SIGLECL1: variants seen among roughly 807,000 people sequenced by gnomAD.
SIGLECL1 encodes the protein SIGLEC family like 1, also known as SIGLEC family-like protein 1.
Under a neutral mutation model 19.1 loss-of-function variants are expected in SIGLECL1, and 16 were observed. The observed-to-expected ratio is 0.84, with a 90% confidence interval of 0.57 to 1.27. SIGLECL1 has a LOEUF of 1.27. Among genes scored for constraint, SIGLECL1 ranks in the 50% most tolerant of loss-of-function variants. The pLI is 0.00. For missense variants in SIGLECL1, 210 were observed against 239.4 expected (o/e 0.88, Z 0.81); for synonymous variants, 89 against 90.4 (o/e 0.98, Z 0.09).
intron 1 of SIGLECL1, among the ~76,000 whole-genome samples, chr19:51,257,148 T>C (rs1241984478): frequency 6.6e-6 from 1 of 152,150 alleles, no homozygotes; most frequent in Non-Finnish European, 1.5e-5. Flanking sequence ...AGCTCACACC[T>C]GTAATCCTAG....
chr19:51,250,084 C>CTTT (rs529491900), upstream of SIGLECL1, among the ~76,000 whole-genome samples: 1 of 141,094 alleles, frequency 7.1e-6, no homozygotes, highest in African/African-American at 2.6e-5. Flanking sequence ...TGGCTGGCTT[C>CTTT]TTTTTTTTTT....
chr19:51,267,382 T>C lies in SIGLECL1; in HGVS notation c.420T>C (p.His140=). 6.2e-7 allele frequency: 1 copy of C among 1,612,208 alleles called. No individual in the cohort carries two copies. The highest frequency in any genetic ancestry group is 8.5e-7 in the Non-Finnish European group (1 of 1,179,960). The change falls in exon 5 of 6, where the codon CAT becomes CAC. Residue 140 remains histidine, a synonymous_variant. Coordinates refer to ENST00000601727, the MANE Select transcript of SIGLECL1 (RefSeq NM_001385465.1). ...FLCLLPLIVK[H]IRKKQAKKAA... is the part of the protein sequence containing the mutation. Reference sequence around the variant, plus strand: ...AGGCTTATTTCCTTAGAGTGAAACATATCAGAAAGAAGCAGGCGAAGAAAG... The same window carrying C: ...AGGCTTATTTCCTTAGAGTGAAACACATCAGAAAGAAGCAGGCGAAGAAAG...
At chr19:51,256,579 C>A (rs1463389514) in intron 1 of SIGLECL1, among the ~76,000 whole-genome samples, 1 of 152,156 alleles carries the variant, frequency 6.6e-6, no homozygotes, top group Non-Finnish European at 1.5e-5. Context: ...TGAATAAGTT[C>A]TGGAGGTTTC....
intron 1 of SIGLECL1, among the ~76,000 whole-genome samples, chr19:51,262,368 G>A (rs891126276): frequency 2.0e-5 from 3 of 152,162 alleles, no homozygotes; most frequent in African/African-American, 7.2e-5. Context: ...TTTGAAGAGT[G>A]TATAAAGAAT....
chr19:51,264,282 A>C (rs551780740), intron 2 of SIGLECL1, 188 bp downstream of exon 2: 27 of 596,108 alleles, frequency 4.5e-5, no homozygotes, highest in South Asian at 2.4e-4. Flanking sequence ...GGTGTGTCTG[A>C]AGCAAATAGC....
chr19:51,263,973 T>A lies in SIGLECL1; in HGVS notation c.-100T>A. 6.9e-7 allele frequency: 1 copy of A among 1,442,754 alleles called. No individual in the cohort carries two copies. Among genetic ancestry groups the A allele is most frequent in the South Asian group, 1.2e-5 (1 of 81,010 alleles). 89.4% of individuals were successfully genotyped at this position (1,442,754 alleles called of 1,614,324 possible). On this transcript the variant is annotated 5_prime_UTR_variant, in exon 2 of 6. Coordinates refer to ENST00000601727, the MANE Select transcript of SIGLECL1 (RefSeq NM_001385465.1). ...CCCCATCCCCACATCCTCTTTCAGT[T>A]ACGCATCACCTCACTCCTTCTGAAC...
intron 1 of SIGLECL1, among the ~76,000 whole-genome samples, chr19:51,262,634 A>G (rs547754791): frequency 3.9e-5 from 6 of 152,296 alleles, no homozygotes; most frequent in Non-Finnish European, 7.4e-5. Flanking sequence ...GACTTTCCCA[A>G]TGTCCCTAGA....
At position 51,267,415 on chromosome 19, in the gene SIGLECL1, G is replaced by A. The variant is rs369648100; in HGVS notation, c.453G>A (p.Ala151=). 13 of 1,613,766 alleles carry A rather than the reference G, an allele frequency of 8.1e-6. No individual in the cohort carries two copies. The highest frequency in any genetic ancestry group is 2.2e-5 in the East Asian group (1 of 44,892). Reference sequence around the variant, plus strand: ...AGAAGCAGGCGAAGAAAGCTGCAGCGATCAGAGCAAAAAAGAGCTCTAAAG... The same window carrying A: ...AGAAGCAGGCGAAGAAAGCTGCAGCAATCAGAGCAAAAAAGAGCTCTAAAG... ...IRKKQAKKAA[A]IRAKKSSKVR... is the part of the protein sequence containing the mutation. Residue 151 remains alanine (A), a synonymous_variant, in exon 5 of 6, where the codon GCG becomes GCA. Transcript: ENST00000601727.
chr19:51,265,492 T>A lies in SIGLECL1; in HGVS notation c.147T>A (p.Asp49Glu), dbSNP rs770701275. ...WWMGGVPVGV[D>E]GMDGSLQVTS... ...TGGGAGGAGTCCCCGTGGGTGTGGA[T>A]GGCATGGATGGCAGCCTCCAAGTGA... Residue 49 changes from aspartate (D) to glutamate (E), a missense_variant, in exon 3 of 6, where the codon GAT becomes GAA. Coordinates refer to ENST00000601727, the MANE Select transcript of SIGLECL1 (RefSeq NM_001385465.1). The A allele has an allele frequency of 3.7e-6, 6 of 1,614,022 alleles. No homozygotes were observed. Among genetic ancestry groups the A allele is most frequent in the East Asian group, 2.2e-5 (1 of 44,884 alleles).
At chr19:51,258,324 T>C (rs989208810) in intron 1 of SIGLECL1, among the ~76,000 whole-genome samples, 25 of 152,236 alleles carry the variant, frequency 1.6e-4, no homozygotes, top group African/African-American at 5.8e-4. Flanking sequence ...CACTGAAACA[T>C]ATGGTTTGAA....
intron 1 of SIGLECL1, among the ~76,000 whole-genome samples, chr19:51,257,174 A>G (rs892519736): frequency 2.0e-5 from 3 of 152,150 alleles, no homozygotes; most frequent in African/African-American, 7.2e-5. Flanking sequence ...TAGGAAGCCC[A>G]GGTGGGAGGA....
intron 1 of SIGLECL1, among the ~76,000 whole-genome samples, chr19:51,258,977 G>C (rs2123411298): frequency 6.6e-6 from 1 of 152,262 alleles, no homozygotes; most frequent in Non-Finnish European, 1.5e-5. Context: ...CAGATCTCCT[G>C]AGGGGACGAA....
intron 1 of SIGLECL1, among the ~76,000 whole-genome samples, chr19:51,259,213 G>A (rs1983032581): frequency 6.6e-6 from 1 of 152,068 alleles, no homozygotes; most frequent in Non-Finnish European, 1.5e-5. Flanking sequence ...CAAAGTGGAT[G>A]AGATTCAGGC....
chr19:51,253,562 A>G (rs1982623088), intron 1 of SIGLECL1, among the ~76,000 whole-genome samples: 1 of 152,240 alleles, frequency 6.6e-6, no homozygotes, highest in Non-Finnish European at 1.5e-5. Flanking sequence ...TGACTTACCC[A>G]GAATCACCCA....
chr19:51,265,854 C>T lies in SIGLECL1; in HGVS notation c.382C>T (p.Leu128=). ...TATCTATGCGGGAATTGTAATTGCG[C>T]TGCTCTTCCTCTGCCTCCTCCCTCT... ...GAIYAGIVIA[L]LFLCLLPLIV... Residue 128 remains leucine, a synonymous_variant, in exon 4 of 6, where the codon CTG becomes TTG. Transcript: ENST00000601727. The T allele has an allele frequency of 6.2e-7, 1 of 1,614,176 alleles. No homozygotes were observed.
At chr19:51,259,140 C>A (rs1331717371) in intron 1 of SIGLECL1, among the ~76,000 whole-genome samples, 1 of 152,180 alleles carries the variant, frequency 6.6e-6, no homozygotes, top group Non-Finnish European at 1.5e-5. Context: ...CTTATACCTG[C>A]ATTCCAAAAG....
chr19:51,265,264 T>G, intron 2 of SIGLECL1, 104 bp from the exon 3 acceptor site: 1 of 1,326,806 alleles, frequency 7.5e-7, no homozygotes, highest in Admixed American at 2.2e-5. Flanking sequence ...AAAGTCCTTC[T>G]GAAGCTCCTT....
intron 1 of SIGLECL1, among the ~76,000 whole-genome samples, chr19:51,253,380 T>G (rs947851278): frequency 7.3e-6 from 1 of 137,116 alleles, no homozygotes; most frequent in Non-Finnish European, 1.5e-5. Flanking sequence ...AATTTAAAAT[T>G]TAAAAAAAAG....
At chr19:51,254,377 A>C (rs1201277181) in intron 1 of SIGLECL1, among the ~76,000 whole-genome samples, 1 of 152,110 alleles carries the variant, frequency 6.6e-6, no homozygotes, top group Non-Finnish European at 1.5e-5. Context: ...AAATAGTAGA[A>C]ACAACCCAAA....
Sources: allele counts gnomAD v4.1 joint callset (sites outside exome capture counted in the v4.1 genomes callset), GRCh38; gene constraint gnomAD v4.1.1; transcripts MANE v1.5; gene names NCBI Gene and HGNC (gene_info 2026-07-23, HGNC 2026-07-21).